Variants in XRN1 observed in about 807,000 individuals in gnomAD.
The protein encoded by XRN1 is strand-exchange protein 1 homolog.
Under a neutral mutation model 222.3 loss-of-function variants are expected in XRN1, and 67 were observed. That is an observed-to-expected ratio of 0.30 (90% CI 0.25 to 0.37). The LOEUF is 0.37. Ranked by LOEUF, XRN1 falls within the 10% of genes least tolerant of loss-of-function variation. XRN1 has a pLI of 1.00. For missense variants in XRN1, 1,707 were observed against 2,000.2 expected (o/e 0.85, Z 2.80); for synonymous variants, 643 against 652.4 (o/e 0.99, Z 0.22).
At chr3:142,414,559 G>C (rs990376620) in intron 13 of XRN1, among the ~76,000 whole-genome samples, 1 of 151,282 alleles carries the variant, frequency 6.6e-6, no homozygotes, top group Non-Finnish European at 1.5e-5. Flanking sequence ...GCAGTGGCGC[G>C]ATCCTGGCTC....
intron 33 of XRN1, among the ~76,000 whole-genome samples, chr3:142,336,784 A>G (rs369346038): frequency 2.0e-5 from 3 of 152,342 alleles, no homozygotes; most frequent in East Asian, 1.9e-4. Flanking sequence ...GGAACTCCAC[A>G]TAACTCAAAT....
In XRN1 at chr3:142,310,650, C is replaced by A. The variant is rs914402849; in HGVS notation, c.*861G>T. 1.3e-5 allele frequency: 2 copies of A among 152,438 alleles called. No homozygotes were observed. The highest frequency in any genetic ancestry group is 4.1e-4 in the South Asian group (2 of 4,828). The allele number at this position is 152,438 out of a possible 1,614,324, so 9.4% of individuals were successfully genotyped here. A position where few individuals can be genotyped will look rare whatever the true frequency, so the allele number is the denominator to read the frequency against. ...AAGCTCTCATAAAATGTCAGGTAAGCAAATAAAAAGCTATACAAAATAATA... is the reference window on the plus strand; with the variant it reads ...AAGCTCTCATAAAATGTCAGGTAAGAAAATAAAAAGCTATACAAAATAATA... On this transcript the variant is annotated 3_prime_UTR_variant, in exon 41 of 41. Coordinates refer to ENST00000392981, the MANE Select transcript of XRN1 (RefSeq NM_001282857.2).
chr3:142,332,568 G>A (rs1229515805), intron 35 of XRN1, 34 bp from the exon 36 acceptor site: 1 of 1,564,832 alleles, frequency 6.4e-7, no homozygotes, highest in Non-Finnish European at 8.7e-7. Flanking sequence ...AGATGGTGAG[G>A]GTGAAGAGAA....
chr3:142,347,172 ATGTT>A (rs1436044123), intron 33 of XRN1, 58 bp downstream of exon 33: 1 of 1,116,828 alleles, frequency 9.0e-7, no homozygotes, highest in Non-Finnish European at 1.3e-6. Flanking sequence ...TATCAATAAA[ATGTT>A]TATTTTTTTA....
intron 8 of XRN1, among the ~76,000 whole-genome samples, chr3:142,421,832 C>CA (rs2069047478): frequency 6.6e-6 from 1 of 152,104 alleles, no homozygotes; most frequent in African/African-American, 2.4e-5. Context: ...CTATCTAGAT[C>CA]ATTTAATATG....
Position 142,309,335 on chromosome 3 carries a change from T to G in XRN1, c.*2176A>C, listed in dbSNP as rs919933256. On this transcript the variant is annotated 3_prime_UTR_variant, in exon 41 of 41. Coordinates refer to ENST00000392981, the MANE Select transcript of XRN1 (RefSeq NM_001282857.2). ...GCCTCGCGGGTTCAAATGATTCTCA[T>G]GCCTCAGCCTCCCGAGTAGCTGGGA... 2 of 152,268 alleles carry G rather than the reference T, an allele frequency of 1.3e-5. No homozygotes were observed. The highest frequency in any genetic ancestry group is 6.5e-5 in the Admixed American group (1 of 15,284). The allele number at this position is 152,268 out of a possible 1,614,324, so 9.4% of individuals were successfully genotyped here. A position where few individuals can be genotyped will look rare whatever the true frequency, so the allele number is the denominator to read the frequency against.
At chr3:142,367,284 T>C (rs1195678029) in intron 27 of XRN1, among the ~76,000 whole-genome samples, 1 of 150,926 alleles carries the variant, frequency 6.6e-6, no homozygotes, top group Non-Finnish European at 1.5e-5. Flanking sequence ...TGAAACTCCG[T>C]CTCAAAAAAA....
At chr3:142,325,103 T>G (rs952825039) in intron 37 of XRN1, among the ~76,000 whole-genome samples, 1 of 152,210 alleles carries the variant, frequency 6.6e-6, no homozygotes, top group Non-Finnish European at 1.5e-5. Flanking sequence ...CTGGATCATA[T>G]GGTAGGTCTA....
chr3:142,415,313 T>C (rs1258198279), intron 13 of XRN1, among the ~76,000 whole-genome samples: 1 of 150,724 alleles, frequency 6.6e-6, no homozygotes, highest in Non-Finnish European at 1.5e-5. Context: ...TTGTATTCCA[T>C]AATTATGGCG....
At position 142,311,224 on chromosome 3, in the gene XRN1, C is replaced by T. The variant is rs1163752381; in HGVS notation, c.*287G>A. The T allele has an allele frequency of 9.2e-6, 2 of 216,862 alleles. No individual in the cohort carries two copies. The highest frequency in any genetic ancestry group is 1.8e-5 in the Non-Finnish European group (2 of 109,090). The allele number at this position is 216,862 out of a possible 1,614,324, so 13.4% of individuals were successfully genotyped here. The stretch of plus-strand genomic sequence containing the variant: ...GAGTGGTACATTTTAATGTTTAGTC[C>T]ACTGATACTGTGATATTATTTTAAT... On this transcript the variant is annotated 3_prime_UTR_variant, in exon 41 of 41. Coordinates refer to ENST00000392981, the MANE Select transcript of XRN1 (RefSeq NM_001282857.2).
chr3:142,312,626 C>A lies in XRN1; in HGVS notation c.4754G>T (p.Gly1585Val). 6.2e-6 allele frequency: 10 copies of A among 1,612,700 alleles called. No homozygotes were observed. Among genetic ancestry groups the A allele is most frequent in the Non-Finnish European group, 6.8e-6 (8 of 1,179,196 alleles). The change falls in exon 40 of 41, where the codon GGT becomes GTT. Residue 1585 changes from glycine to valine, a missense_variant. By Grantham distance (109) the Gly-to-Val change is moderately radical. Around this residue, in one of 2 missense-constraint regions of XRN1, gnomAD observed 473 missense variants for 482.0 expected, o/e 0.98. Coordinates refer to ENST00000392981, the MANE Select transcript of XRN1 (RefSeq NM_001282857.2). ...CAGAGGTATAAACTGATTGTGCACA[C>A]CCCCTGGTATTCCCCCAGCCATGGG... Reference protein sequence around the residue: ...TMPMAGGIPGGVHNQFIPLQV... With the variant: ...TMPMAGGIPGVVHNQFIPLQV...
Position 142,412,643 on chromosome 3 carries a change from G to A in XRN1, c.1614C>T (p.Asp538=). 2 of 1,591,734 alleles carry A rather than the reference G, an allele frequency of 1.3e-6. No individual in the cohort carries two copies. The highest frequency in any genetic ancestry group is 1.1e-5 in the South Asian group (1 of 87,058). ...GTGGGTAATATTCTATAATTGGTGAGTCTTCATTGGTCATCAAATGCTGTG... is the reference window on the plus strand; with the variant it reads ...GTGGGTAATATTCTATAATTGGTGAATCTTCATTGGTCATCAAATGCTGTG... ...ACYQHLMTNE[D]SPIIEYYPPD... The change falls in exon 15 of 41, where the codon GAC becomes GAT. Residue 538 remains aspartate, a synonymous_variant. Transcript: ENST00000392981.
intron 32 of XRN1, among the ~76,000 whole-genome samples, chr3:142,350,886 C>A (rs897035994): frequency 6.6e-6 from 1 of 152,072 alleles, no homozygotes; most frequent in African/African-American, 2.4e-5. Context: ...CAATTTTGGA[C>A]ATGGTAATTT....
In XRN1 at chr3:142,359,009, T is replaced by C. The variant is rs1363764320; in HGVS notation, c.3464+853A>G. Among the ~76,000 whole-genome samples the C allele has an allele frequency of 3.3e-5, 5 of 152,258 alleles. 1 individual carries two copies. Among genetic ancestry groups the C allele is most frequent in the Middle Eastern group, 6.8e-3 (2 of 294 alleles). On this transcript the variant is annotated intron_variant, in intron 30 of 40. Coordinates refer to ENST00000392981, the MANE Select transcript of XRN1 (RefSeq NM_001282857.2). ...ATCCTCACAATAACCTAGGGAAGTA[T>C]GTATATATCTTCATTATAGATGAGG...
Position 142,355,452 on chromosome 3 carries a change from G to C in XRN1, c.3717C>G (p.Ser1239=). The C allele has an allele frequency of 6.3e-7, 1 of 1,599,548 alleles. No homozygotes were observed. Among genetic ancestry groups the C allele is most frequent in the Non-Finnish European group, 8.5e-7 (1 of 1,171,338 alleles). Residue 1239 remains serine (S), a synonymous_variant, in exon 32 of 41, where the codon TCC becomes TCG. Transcript: ENST00000392981. ...ATTGCATCTTTCCAGATCCCTGTAA[G>C]GACTGCCAAATGTTGCAGAATTCAT... ...DDDEFCNIWQ[S]LQGSGKMQYF... is the part of the protein sequence containing the mutation.
In XRN1 at chr3:142,371,236, T is replaced by C. The variant is rs942312390; in HGVS notation, c.3068+3A>G. The C allele has an allele frequency of 6.2e-7, 1 of 1,611,608 alleles. No homozygotes were observed. The highest frequency in any genetic ancestry group is 8.5e-7 in the Non-Finnish European group (1 of 1,178,574). On this transcript the variant is annotated splice_donor_region_variant and intron_variant, in intron 26 of 40. Transcript: ENST00000392981. ...GGTAATAAATATCATAAATCTTGCT[T>C]ACCCATTCTCATTTTCTCCAGGCCA... is the stretch of plus-strand genomic sequence containing the variant.
chr3:142,381,630 T>C (rs1403214841), intron 22 of XRN1, among the ~76,000 whole-genome samples: 1 of 150,346 alleles, frequency 6.7e-6, no homozygotes, highest in Non-Finnish European at 1.5e-5. Flanking sequence ...TGCAGTGGTA[T>C]GATCTTGGTT....
At chr3:142,335,809 A>C (rs2065837623) in intron 33 of XRN1, among the ~76,000 whole-genome samples, 1 of 152,200 alleles carries the variant, frequency 6.6e-6, no homozygotes, top group South Asian at 2.1e-4. Flanking sequence ...TGGAAGCAGA[A>C]AGCAAGTTCC....
chr3:142,425,419 A>G lies in XRN1; in HGVS notation c.516+10T>C, dbSNP rs2069204869. ...TTTTTTAAACTCTTTAAATAAAAAA[A>G]GATAATAACCTCATGGCCTGAGAAG... is the stretch of plus-strand genomic sequence containing the variant. On this transcript the variant is annotated intron_variant, in intron 4 of 40. Transcript: ENST00000392981. 2 of 1,594,714 alleles carry G rather than the reference A, an allele frequency of 1.3e-6. No homozygotes were observed. Among genetic ancestry groups the G allele is most frequent in the Admixed American group, 3.5e-5 (2 of 56,822 alleles).
Sources: allele counts gnomAD v4.1 joint callset (sites outside exome capture counted in the v4.1 genomes callset), GRCh38; gene constraint gnomAD v4.1.1; regional missense constraint gnomAD v4.1.1; transcripts MANE v1.5; gene names NCBI Gene and HGNC (gene_info 2026-07-23, HGNC 2026-07-21).